The following BOC variants were observed in gnomAD, a reference collection of about 807,000 sequenced individuals.
BOC encodes brother of CDO.
BOC carries 76 observed loss-of-function variants against 112.0 expected under a neutral mutation model. The ratio of observed to expected loss-of-function variants is 0.68; its 90% CI spans 0.56 to 0.82. BOC has a LOEUF of 0.82. Ranked by LOEUF, BOC falls within the 40% of genes least tolerant of loss-of-function variation. The pLI, the probability that BOC is intolerant of heterozygous loss-of-function variation, is 0.00. For synonymous variants in BOC, 580 were observed against 599.8 expected (o/e 0.97, Z 0.48); for missense variants, 1,309 against 1,511.7 (o/e 0.87, Z 2.22).
rs138913579 is a variant in BOC at position 113,275,186 on chromosome 3, C to T, written c.1542+504C>T. ...TTTTCTCTGTAGGCTGTGAAACACC[C>T]GCTCAGTTCTCAGAATCTGTCATGG... On this transcript the variant is annotated intron_variant, in intron 9 of 19. Coordinates refer to ENST00000682979, the MANE Select transcript of BOC (RefSeq NM_001378074.1). Among the ~76,000 whole-genome samples, 29 of 152,338 alleles carry T rather than the reference C, an allele frequency of 1.9e-4. No homozygotes were observed. The East Asian group carries it at 5.2e-3, about 27-fold the overall frequency.
At position 113,274,549 on chromosome 3, in the gene BOC, C is replaced by T. The variant is rs575931318; in HGVS notation, c.1409C>T (p.Ala470Val). Reference sequence around the variant, plus strand: ...TGTCCAGGAGAGAAGGGGCAGGGGGCTCCCGCCGAGGCTCCCATCATCCTC... The same window carrying T: ...TGTCCAGGAGAGAAGGGGCAGGGGGTTCCCGCCGAGGCTCCCATCATCCTC... ...PQCPGEKGQG[A>V]PAEAPIILSS... Residue 470 changes from alanine to valine, a missense_variant, in exon 9 of 20, where the codon GCT becomes GTT. By Grantham distance (64) the Ala-to-Val change is moderately conservative (BLOSUM62 0). Transcript: ENST00000682979. The surrounding 1 kb of genome is among the most constrained non-coding windows in gnomAD (Gnocchi z 4.8). 7 of 1,613,398 alleles carry T rather than the reference C, an allele frequency of 4.3e-6. No individual in the cohort carries two copies. The African/African-American group carries it at 5.3e-5, about 12-fold the overall frequency.
chr3:113,276,171 G>C lies in BOC; in HGVS notation c.1542+1489G>C, dbSNP rs557461036. Among the ~76,000 whole-genome samples, 40 of 152,312 alleles carry C rather than the reference G, an allele frequency of 2.6e-4. No individual in the cohort carries two copies. The South Asian group carries it at 3.7e-3, about 14-fold the overall frequency. ...GGCCAAACGCCCATGGTTCCCAGGA[G>C]ACAAAACCCAGCATGAGAGCAAGAC... is the stretch of plus-strand genomic sequence containing the variant. On this transcript the variant is annotated intron_variant, in intron 9 of 19. Coordinates refer to ENST00000682979, the MANE Select transcript of BOC (RefSeq NM_001378074.1).
In BOC at chr3:113,272,688, A is replaced by G; in HGVS notation, c.946A>G (p.Asn316Asp). 2 of 1,613,100 alleles carry G rather than the reference A, an allele frequency of 1.2e-6. No homozygotes were observed. Among genetic ancestry groups the G allele is most frequent in the Non-Finnish European group, 1.7e-6 (2 of 1,179,754 alleles). The change falls in exon 7 of 20, where the codon AAT (asparagine) becomes GAT (aspartate). Residue 316 changes from asparagine to aspartate, a missense_variant. Coordinates refer to ENST00000682979, the MANE Select transcript of BOC (RefSeq NM_001378074.1). ...GCCCGGGGCAGCGGTCATCCTCTAC[A>G]ATGTCCAGGTGTTTGGTGAGTGTCT... ...GQPGAAVILY[N>D]VQVFEPPEVT...
At chr3:113,258,814 A>G (rs77544721) in intron 4 of BOC, among the ~76,000 whole-genome samples, 9,344 of 152,294 alleles carry the variant, frequency 0.061, 381 homozygotes, top group African/African-American at 0.12. Flanking sequence ...CCATACCATA[A>G]GTTATGTGTA....
chr3:113,278,215 T>C lies in BOC; in HGVS notation c.1663T>C (p.Cys555Arg), dbSNP rs755046648. ...TGAAGTGGAGATGGCAGCTTACAAC[T>C]GTGCGGGAGAGGGCCAGACAGCCAT... ...LYEVEMAAYN[C>R]AGEGQTAMVT... is the part of the protein sequence containing the mutation. The change falls in exon 10 of 20, where the codon TGT becomes CGT. Residue 555 changes from cysteine to arginine, a missense_variant. Physicochemically the swap from Cys to Arg is radical, Grantham distance 180. Coordinates refer to ENST00000682979, the MANE Select transcript of BOC (RefSeq NM_001378074.1). The surrounding 1 kb of genome is among the most constrained non-coding windows in gnomAD (Gnocchi z 4.2). The C allele has an allele frequency of 6.2e-7, 1 of 1,614,052 alleles. No individual in the cohort carries two copies. The highest frequency in any genetic ancestry group is 1.3e-5 in the African/African-American group (1 of 74,906).
intron 2 of BOC, among the ~76,000 whole-genome samples, chr3:113,239,845 A>G (rs1015541526): frequency 6.6e-6 from 1 of 152,190 alleles, no homozygotes; most frequent in East Asian, 1.9e-4. Context: ...AAACCATGAA[A>G]TATGCTGGGT....
intron 2 of BOC, among the ~76,000 whole-genome samples, chr3:113,248,246 T>A (rs185662636): frequency 4.6e-5 from 7 of 152,280 alleles, no homozygotes; most frequent in Admixed American, 2.6e-4. Context: ...CCGAAGCACT[T>A]CCCAACACAG....
At chr3:113,217,130 C>T (rs1449259177) in intron 2 of BOC, among the ~76,000 whole-genome samples, 2 of 152,146 alleles carry the variant, frequency 1.3e-5, no homozygotes, top group Non-Finnish European at 2.9e-5. Context: ...AGAGCCCATG[C>T]GCCATCCAGA....
chr3:113,220,478 G>C (rs917007391), intron 2 of BOC, among the ~76,000 whole-genome samples: 1 of 152,116 alleles, frequency 6.6e-6, no homozygotes, highest in Non-Finnish European at 1.5e-5. Flanking sequence ...CTGCCTACTC[G>C]AACATTATGA....
chr3:113,273,031 G>A (rs1948301213), intron 7 of BOC, 38 bp from the exon 8 acceptor site: 1 of 1,570,588 alleles, frequency 6.4e-7, no homozygotes, highest in Admixed American at 1.7e-5. Flanking sequence ...GGGACAGAAA[G>A]ACACAGCCCT....
chr3:113,219,960 C>T (rs1016562375), intron 2 of BOC, among the ~76,000 whole-genome samples: 13 of 152,070 alleles, frequency 8.5e-5, no homozygotes, highest in African/African-American at 3.1e-4. Context: ...TCTTAATCTG[C>T]CAGATGAATC....
intron 13 of BOC, 91 bp downstream of exon 13, chr3:113,280,096 G>A: frequency 7.5e-7 from 1 of 1,329,224 alleles, no homozygotes; most frequent in Non-Finnish European, 1.0e-6. Flanking sequence ...CCCCGAACAG[G>A]GCACCTGAAA....
chr3:113,226,063 G>A (rs1941610022), intron 2 of BOC, among the ~76,000 whole-genome samples: 1 of 152,128 alleles, frequency 6.6e-6, no homozygotes, highest in South Asian at 2.1e-4. Flanking sequence ...TATGAGCAGG[G>A]GCCATATTTT....
chr3:113,238,375 A>G (rs1053313122), intron 2 of BOC, among the ~76,000 whole-genome samples: 2 of 152,166 alleles, frequency 1.3e-5, no homozygotes, highest in Admixed American at 6.5e-5. Flanking sequence ...CTGTTCACGT[A>G]TTCTCTTTTT....
chr3:113,276,793 C>G (rs1251459778), intron 9 of BOC, among the ~76,000 whole-genome samples: 1 of 152,206 alleles, frequency 6.6e-6, no homozygotes, highest in Non-Finnish European at 1.5e-5. Flanking sequence ...ATCCTGGAAG[C>G]CTGACAATGA....
At chr3:113,255,238 C>T (rs1946105208) in intron 4 of BOC, among the ~76,000 whole-genome samples, 1 of 151,774 alleles carries the variant, frequency 6.6e-6, no homozygotes, top group South Asian at 2.1e-4. Context: ...ACAAGCCTCA[C>T]ACCAGGCAGC....
chr3:113,212,489 A>C (rs1301919523), intron 1 of BOC: 1 of 152,224 alleles, frequency 6.6e-6, no homozygotes, highest in African/African-American at 2.4e-5. Flanking sequence ...AAATGCGTAG[A>C]GTCACTCAAC....
At chr3:113,221,754 A>G (rs1559801389) in intron 2 of BOC, among the ~76,000 whole-genome samples, 1 of 152,220 alleles carries the variant, frequency 6.6e-6, no homozygotes, top group Non-Finnish European at 1.5e-5. Context: ...CAAAAGCTAG[A>G]GAAGGTCACT....
chr3:113,226,301 G>GA (rs1487094260), intron 2 of BOC, among the ~76,000 whole-genome samples: 1 of 152,218 alleles, frequency 6.6e-6, no homozygotes, highest in Non-Finnish European at 1.5e-5. Context: ...AGAGAGCGCA[G>GA]AATGGGTCTT....
Sources: allele counts gnomAD v4.1 joint callset (sites outside exome capture counted in the v4.1 genomes callset), GRCh38; gene constraint gnomAD v4.1.1; non-coding constraint Gnocchi (gnomAD v3.1); transcripts MANE v1.5; gene names NCBI Gene and HGNC (gene_info 2026-07-23, HGNC 2026-07-21).